SLC9D1: variants seen among roughly 807,000 people sequenced by gnomAD.
SLC9D1 encodes putative LAG1-interacting protein.
chr13:113,532,850 G>C, the SLC9D1 span, among the ~76,000 whole-genome samples: 1 of 124,112 alleles, frequency 8.1e-6, no homozygotes, highest in Non-Finnish European at 1.7e-5. Flanking sequence ...AGTCGCAGAC[G>C]TGGGCCCTGC....
the SLC9D1 span, among the ~76,000 whole-genome samples, chr13:113,513,003 C>T: frequency 3.9e-5 from 6 of 152,138 alleles, no homozygotes; most frequent in South Asian, 6.2e-4. Flanking sequence ...TTTCAGAACT[C>T]GAGACAGGAG....
the SLC9D1 span, among the ~76,000 whole-genome samples, chr13:113,515,303 T>C: frequency 3.3e-5 from 5 of 152,248 alleles, no homozygotes; most frequent in Admixed American, 6.5e-5. Context: ...ATGTGAATTC[T>C]GTAGCATGGA....
At chr13:113,510,967 C>T in the SLC9D1 span, among the ~76,000 whole-genome samples, 1 of 151,820 alleles carries the variant, frequency 6.6e-6, no homozygotes, top group African/African-American at 2.4e-5. Context: ...GGACCGTGTC[C>T]CTCTGCGGGG....
chr13:113,547,111 G>A, the SLC9D1 span: 3 of 590,094 alleles, frequency 5.1e-6, no homozygotes, highest in Non-Finnish European at 9.2e-6. Flanking sequence ...CCCAGGGCAG[G>A]CTTTTCCCCG....
At chr13:113,517,518 G>A in the SLC9D1 span, among the ~76,000 whole-genome samples, 1 of 152,142 alleles carries the variant, frequency 6.6e-6, no homozygotes, top group Non-Finnish European at 1.5e-5. Context: ...AGCCATTTTT[G>A]TATTAGTGAA....
chr13:113,522,404 G>C, the SLC9D1 span, among the ~76,000 whole-genome samples: 319 of 152,272 alleles, frequency 2.1e-3, 2 homozygotes, highest in African/African-American at 7.3e-3. Context: ...GCAGTGGCAC[G>C]ATCTGGGCTC....
At chr13:113,539,467 C>T in the SLC9D1 span, 3 of 1,613,384 alleles carry the variant, frequency 1.9e-6, no homozygotes, top group East Asian at 2.2e-5. This position sits in a 1 kb window ranked among gnomAD's most constrained non-coding sequence, Gnocchi z 4.8. Flanking sequence ...CCATCGAACC[C>T]ATCCGCGACT....
chr13:113,495,595 G>A, the SLC9D1 span: 1 of 1,541,394 alleles, frequency 6.5e-7, no homozygotes, highest in Non-Finnish European at 8.7e-7. Flanking sequence ...AAGGTGTTGG[G>A]AAGAAGCTTC....
the SLC9D1 span, chr13:113,505,254 T>G: frequency 6.6e-6 from 1 of 152,224 alleles, no homozygotes; most frequent in African/African-American, 2.4e-5. Flanking sequence ...CTCTTTGGAT[T>G]TGTACACTCT....
the SLC9D1 span, chr13:113,533,970 A>C: frequency 8.6e-7 from 1 of 1,166,138 alleles, no homozygotes; most frequent in Non-Finnish European, 1.2e-6. Context: ...AAAGAAAAAA[A>C]CTGAAAGATT....
chr13:113,510,732 A>C, the SLC9D1 span, among the ~76,000 whole-genome samples: 3 of 152,232 alleles, frequency 2.0e-5, no homozygotes, highest in African/African-American at 7.2e-5. Flanking sequence ...GACCTGTGGA[A>C]CTGGTGGATT....
the SLC9D1 span, among the ~76,000 whole-genome samples, chr13:113,547,641 G>T: frequency 1.1e-4 from 17 of 152,196 alleles, no homozygotes; most frequent in African/African-American, 4.1e-4. Context: ...CCCTCAGGAC[G>T]GGCCTTGGCT....
At chr13:113,495,988 G>GGCA in the SLC9D1 span, 2 of 1,612,914 alleles carry the variant, frequency 1.2e-6, no homozygotes, top group South Asian at 2.2e-5. Context: ...GAGAGCAGCC[G>GGCA]GCAGCGCCTG....
chr13:113,525,355 G>A, the SLC9D1 span, among the ~76,000 whole-genome samples: 1 of 152,168 alleles, frequency 6.6e-6, no homozygotes, highest in African/African-American at 2.4e-5. Flanking sequence ...CTGCTGCACT[G>A]CCAATCATAT....
chr13:113,539,322 G>A, the SLC9D1 span: 1 of 1,602,726 alleles, frequency 6.2e-7, no homozygotes, highest in South Asian at 1.1e-5. This position sits in a 1 kb window ranked among gnomAD's most constrained non-coding sequence, Gnocchi z 4.8. Flanking sequence ...GTGCACTGTG[G>A]GGTCTCATGT....
chr13:113,510,190 T>C, the SLC9D1 span: 7 of 1,544,508 alleles, frequency 4.5e-6, no homozygotes, highest in Admixed American at 1.7e-5. Context: ...GGTGTGGTCA[T>C]TGCCTGTTGT....
the SLC9D1 span, chr13:113,498,491 A>C: frequency 6.3e-7 from 1 of 1,592,568 alleles, no homozygotes; most frequent in Non-Finnish European, 8.5e-7. Flanking sequence ...AGGAAGAGAT[A>C]GAGGAACATG....
the SLC9D1 span, among the ~76,000 whole-genome samples, chr13:113,494,631 G>A: frequency 6.7e-6 from 1 of 150,264 alleles, no homozygotes. Flanking sequence ...ATAACAAAAA[G>A]TTCTAGAGAT....
chr13:113,546,486 G>C, the SLC9D1 span, among the ~76,000 whole-genome samples: 1 of 152,160 alleles, frequency 6.6e-6, no homozygotes, highest in African/African-American at 2.4e-5. This position sits in a 1 kb window ranked among gnomAD's most constrained non-coding sequence, Gnocchi z 7.1. Context: ...GCCCTCAAGC[G>C]CAAGAGAACC....
Sources: allele counts gnomAD v4.1 joint callset (sites outside exome capture counted in the v4.1 genomes callset), GRCh38; gene constraint gnomAD v4.1.1; non-coding constraint Gnocchi (gnomAD v3.1); transcripts MANE v1.5; gene names NCBI Gene and HGNC (gene_info 2026-07-23, HGNC 2026-07-21).